Variants in FBXO4 observed in about 807,000 individuals in gnomAD.
FBXO4 encodes F-box protein 4, also known as F-box only protein 4.
A neutral mutation model predicts 43.7 loss-of-function variants in FBXO4; 36 were observed. The observed-to-expected ratio is 0.82, with a 90% CI of 0.63 to 1.09. FBXO4 has a LOEUF of 1.09. Ranked by LOEUF, FBXO4 falls within the 50% of genes least tolerant of loss-of-function variation. The pLI is 0.00. For synonymous variants in FBXO4, 180 were observed against 165.6 expected (o/e 1.09, Z -0.67); for missense variants, 435 against 474.1 (o/e 0.92, Z 0.77).
At chr5:42,012,620 T>A in the FBXO4 span, among the ~76,000 whole-genome samples, 2 of 152,134 alleles carry the variant, frequency 1.3e-5, no homozygotes, top group Non-Finnish European at 2.9e-5. Flanking sequence ...AAGCCTTATG[T>A]CACCACTGAA....
chr5:41,967,563 C>A, the FBXO4 span: 1 of 1,068,294 alleles, frequency 9.4e-7, no homozygotes, highest in Non-Finnish European at 1.4e-6. Flanking sequence ...AGTGACATTG[C>A]AATAGGCATT....
chr5:41,951,893 A>G, the FBXO4 span: 1 of 256,488 alleles, frequency 3.9e-6, no homozygotes, highest in Admixed American at 4.5e-5. Context: ...GGAAATGATC[A>G]TCAACAGGAG....
chr5:41,944,354 G>A (rs1752046539), downstream of FBXO4, among the ~76,000 whole-genome samples: 3 of 152,166 alleles, frequency 2.0e-5, no homozygotes, highest in Middle Eastern at 3.2e-3. Context: ...TGACAGATGT[G>A]TAGTTCCTCT....
chr5:41,961,096 C>T, the FBXO4 span, among the ~76,000 whole-genome samples: 1 of 152,124 alleles, frequency 6.6e-6, no homozygotes, highest in East Asian at 1.9e-4. Flanking sequence ...AGGTCAGAGG[C>T]CGTTTCTGCG....
the FBXO4 span, among the ~76,000 whole-genome samples, chr5:41,947,758 G>A: frequency 6.6e-6 from 1 of 152,180 alleles, no homozygotes; most frequent in African/African-American, 2.4e-5. Context: ...AAAGCTTATA[G>A]TTTAAGGTAT....
chr5:42,017,029 A>C, the FBXO4 span, among the ~76,000 whole-genome samples: 1 of 152,064 alleles, frequency 6.6e-6, no homozygotes, highest in South Asian at 2.1e-4. Context: ...GTCTTTTCCT[A>C]GACATTCTAG....
In FBXO4 at chr5:41,939,448, A is replaced by T. The variant is rs1383637249; in HGVS notation, c.906A>T (p.Glu302Asp). 1 of 1,609,310 alleles carries T rather than the reference A, an allele frequency of 6.2e-7. No individual in the cohort carries two copies. Among genetic ancestry groups the T allele is most frequent in the East Asian group, 2.2e-5 (1 of 44,816 alleles). Residue 302 changes from glutamate to aspartate, a missense_variant, in exon 6 of 7, where the codon GAA becomes GAT. By Grantham distance (45) the Glu-to-Asp change is conservative. Transcript: ENST00000281623. ...VANAEAHKRH[E>D]WQDEFSHIMA... ...TTGACTTACATTCCTTAGGACATGAATGGCAAGATGAATTTTCTCATATTA... is the reference window on the plus strand; with the variant it reads ...TTGACTTACATTCCTTAGGACATGATTGGCAAGATGAATTTTCTCATATTA...
chr5:42,035,363 T>C, the FBXO4 span, among the ~76,000 whole-genome samples: 2,435 of 152,142 alleles, frequency 0.016, 122 homozygotes, highest in East Asian at 0.1. Flanking sequence ...TAGTATGTTG[T>C]ATAGGAGTGG....
the FBXO4 span, among the ~76,000 whole-genome samples, chr5:41,995,247 T>C: frequency 6.6e-6 from 1 of 152,160 alleles, no homozygotes; most frequent in African/African-American, 2.4e-5. Flanking sequence ...CGTGAGTCCA[T>C]TGGTGGTAGT....
At chr5:42,029,247 AC>A in the FBXO4 span, among the ~76,000 whole-genome samples, 2 of 152,122 alleles carry the variant, frequency 1.3e-5, no homozygotes, top group East Asian at 3.9e-4. Flanking sequence ...CTCATTCAGC[AC>A]TTTATATACG....
intron 5 of FBXO4, chr5:41,934,704 C>G (rs1379995050): frequency 1.9e-6 from 2 of 1,054,408 alleles, no homozygotes; most frequent in African/African-American, 3.4e-5. Context: ...TGGCTTTATT[C>G]AAATAATCTA....
the FBXO4 span, among the ~76,000 whole-genome samples, chr5:41,996,144 G>A: frequency 5.3e-5 from 8 of 152,176 alleles, no homozygotes; most frequent in African/African-American, 1.4e-4. Context: ...GGGCATTTGA[G>A]CCACTTCCTC....
chr5:41,935,529 G>C (rs961234651), intron 5 of FBXO4, among the ~76,000 whole-genome samples: 1 of 152,214 alleles, frequency 6.6e-6, no homozygotes, highest in Non-Finnish European at 1.5e-5. Context: ...AATTCCACTT[G>C]TACCAAGGAT....
At chr5:41,950,293 A>T in the FBXO4 span, among the ~76,000 whole-genome samples, 15 of 152,342 alleles carry the variant, frequency 9.8e-5, no homozygotes, top group African/African-American at 3.6e-4. Context: ...ACAGAATGGG[A>T]CAAAAATTTT....
chr5:41,977,088 G>C, the FBXO4 span, among the ~76,000 whole-genome samples: 1 of 152,190 alleles, frequency 6.6e-6, no homozygotes, highest in Non-Finnish European at 1.5e-5. Flanking sequence ...AGACTGAGAA[G>C]GGCAATGGGG....
At chr5:41,955,812 A>G in the FBXO4 span, among the ~76,000 whole-genome samples, 5,323 of 152,164 alleles carry the variant, frequency 0.035, 147 homozygotes, top group Non-Finnish European at 0.053. Flanking sequence ...AGGAAATAAT[A>G]CCTGGGGCTT....
chr5:41,960,478 C>T, the FBXO4 span, among the ~76,000 whole-genome samples: 2 of 152,028 alleles, frequency 1.3e-5, no homozygotes, highest in African/African-American at 4.8e-5. Flanking sequence ...ACGATATTAG[C>T]TGTGGGCTTC....
the FBXO4 span, among the ~76,000 whole-genome samples, chr5:41,953,100 C>G: frequency 6.6e-6 from 1 of 151,960 alleles, no homozygotes; most frequent in East Asian, 1.9e-4. Flanking sequence ...CACCCATTAA[C>G]TCGTCATTTA....
At chr5:41,999,229 G>A in the FBXO4 span, among the ~76,000 whole-genome samples, 1 of 151,022 alleles carries the variant, frequency 6.6e-6, no homozygotes, top group East Asian at 2.0e-4. Flanking sequence ...TAGAAGTAGA[G>A]ACCTTAGCAT....
Sources: allele counts gnomAD v4.1 joint callset (sites outside exome capture counted in the v4.1 genomes callset), GRCh38; gene constraint gnomAD v4.1.1; transcripts MANE v1.5; gene names NCBI Gene and HGNC (gene_info 2026-07-23, HGNC 2026-07-21).